PPIP5K2: variants seen among roughly 807,000 people sequenced by gnomAD.
PPIP5K2 encodes diphosphoinositol pentakisphosphate kinase 2.
PPIP5K2 carries 105 observed loss-of-function variants against 154.6 expected under a neutral mutation model. The observed-to-expected ratio is 0.68, with a 90% CI of 0.58 to 0.80. The LOEUF is 0.80. PPIP5K2 is among the 30% of genes least tolerant of loss of function. PPIP5K2 has a pLI of 0.00. For missense variants in PPIP5K2, 992 were observed against 1,504.6 expected (o/e 0.66, Z 5.64); for synonymous variants, 480 against 490.3 (o/e 0.98, Z 0.28).
chr5:103,153,960 C>G (rs1451893820), intron 11 of PPIP5K2, 26 bp downstream of exon 11: 2 of 1,477,216 alleles, frequency 1.4e-6, no homozygotes, highest in Non-Finnish European at 1.9e-6. Context: ...AATAATTTAA[C>G]ATGCATGATA....
intron 17 of PPIP5K2, among the ~76,000 whole-genome samples, chr5:103,162,971 A>T (rs1474766631): frequency 1.3e-5 from 2 of 151,978 alleles, no homozygotes; most frequent in Admixed American, 6.6e-5. Flanking sequence ...CATTACTCAG[A>T]AGTACCATAT....
At chr5:103,146,916 C>T (rs1397416748) in intron 6 of PPIP5K2, among the ~76,000 whole-genome samples, 1 of 151,880 alleles carries the variant, frequency 6.6e-6, no homozygotes, top group African/African-American at 2.4e-5. Flanking sequence ...CTTGACTTTT[C>T]TTTTCCCTCC....
At chr5:103,168,697 A>G (rs1326694519) in intron 19 of PPIP5K2, among the ~76,000 whole-genome samples, 1 of 151,788 alleles carries the variant, frequency 6.6e-6, no homozygotes, top group Non-Finnish European at 1.5e-5. Flanking sequence ...CAGAGTCCAT[A>G]GTGCATTAGG....
intron 5 of PPIP5K2, among the ~76,000 whole-genome samples, chr5:103,144,081 T>C (rs1244973622): frequency 1.3e-5 from 2 of 152,096 alleles, no homozygotes; most frequent in African/African-American, 4.8e-5. Context: ...TCAGTAAAGT[T>C]GCAGGATACA....
At chr5:103,138,946 G>A (rs1457978873) in intron 5 of PPIP5K2, among the ~76,000 whole-genome samples, 1 of 152,180 alleles carries the variant, frequency 6.6e-6, no homozygotes, top group African/African-American at 2.4e-5. Flanking sequence ...GAATTCGTGG[G>A]TCCCACATAT....
chr5:103,140,631 C>T (rs903016697), intron 5 of PPIP5K2, among the ~76,000 whole-genome samples: 2 of 151,802 alleles, frequency 1.3e-5, no homozygotes, highest in Non-Finnish European at 2.9e-5. Flanking sequence ...GGGCGGATCA[C>T]GAGGTCAGGA....
At chr5:103,143,109 ATT>A (rs1349520633) in intron 5 of PPIP5K2, among the ~76,000 whole-genome samples, 2 of 152,228 alleles carry the variant, frequency 1.3e-5, no homozygotes, top group African/African-American at 4.8e-5. Context: ...ATAAAATGTT[ATT>A]TGTAAGCCTT....
At chr5:103,148,270 A>T in intron 7 of PPIP5K2, 2 of 495,758 alleles carry the variant, frequency 4.0e-6, no homozygotes, top group Non-Finnish European at 7.3e-6. Context: ...GACAAATTTT[A>T]TTCAAATATA....
chr5:103,197,095 A>T (rs1270134730), intron 30 of PPIP5K2, among the ~76,000 whole-genome samples: 1 of 152,146 alleles, frequency 6.6e-6, no homozygotes, highest in Admixed American at 6.5e-5. Flanking sequence ...AGAAATTTGC[A>T]TCTGCGTTTG....
rs531719154 is a variant in PPIP5K2, at chr5:103,206,012, A to C, written c.*4378A>C. Reference sequence around the variant, plus strand: ...TAGATTAGTGTAGTCTGTTTTATGTAATGTATCTTTGCTTTTAGATTGTGC... The same window carrying C: ...TAGATTAGTGTAGTCTGTTTTATGTCATGTATCTTTGCTTTTAGATTGTGC... On this transcript the variant is annotated 3_prime_UTR_variant, in exon 31 of 31. Coordinates refer to ENST00000358359, the MANE Select transcript of PPIP5K2 (RefSeq NM_001276277.3). The C allele has an allele frequency of 6.6e-6, 1 of 152,144 alleles. No homozygotes were observed. The highest frequency in any genetic ancestry group is 1.5e-5 in the Non-Finnish European group (1 of 68,028). 9.4% of individuals were successfully genotyped at this position (152,144 alleles called of 1,614,324 possible).
At position 103,186,287 on chromosome 5, in the gene PPIP5K2, C is replaced by T. The variant is rs782010278; in HGVS notation, c.3170-33C>T. On this transcript the variant is annotated intron_variant, in intron 26 of 30. Coordinates refer to ENST00000358359, the MANE Select transcript of PPIP5K2 (RefSeq NM_001276277.3). ...TTCCCAATGTGAATGGAAGAACACC[C>T]GTTGTGTATGTATTTTCTCTAACTC... is the stretch of plus-strand genomic sequence containing the variant. The T allele has an allele frequency of 2.0e-5, 32 of 1,612,322 alleles. No homozygotes were observed. The Admixed American group carries it at 2.7e-4, about 13-fold the overall frequency.
intron 30 of PPIP5K2, among the ~76,000 whole-genome samples, chr5:103,201,248 AGTTAAAAATT>A (rs1554230179): frequency 6.6e-6 from 1 of 152,252 alleles, no homozygotes; most frequent in Non-Finnish European, 1.5e-5. Flanking sequence ...AATGGATGGT[AGTTAAAAATT>A]ATGAAAATAT....
intron 5 of PPIP5K2, among the ~76,000 whole-genome samples, chr5:103,140,401 C>A (rs1049556876): frequency 1.3e-5 from 2 of 152,104 alleles, no homozygotes; most frequent in African/African-American, 2.4e-5. Context: ...CCTTAAAGCA[C>A]CCAGAGAATA....
chr5:103,176,801 TG>T (rs1417128488), intron 21 of PPIP5K2: 24 of 937,458 alleles, frequency 2.6e-5, no homozygotes, highest in Non-Finnish European at 3.5e-5. Context: ...CTACTTTGAA[TG>T]CTTGTAGTAC....
At chr5:103,177,007 C>T (rs947551547) in intron 21 of PPIP5K2, 1 of 841,868 alleles carries the variant, frequency 1.2e-6, no homozygotes, top group East Asian at 2.9e-5. Context: ...ATATTGCATA[C>T]ATGAACTATA....
At chr5:103,143,620 C>T (rs545590241) in intron 5 of PPIP5K2, among the ~76,000 whole-genome samples, 1 of 152,270 alleles carries the variant, frequency 6.6e-6, no homozygotes, top group East Asian at 1.9e-4. Context: ...GAGCTGAATT[C>T]TTGCAACAAA....
At chr5:103,170,639 A>C (rs1483912949) in intron 19 of PPIP5K2, among the ~76,000 whole-genome samples, 1 of 150,686 alleles carries the variant, frequency 6.6e-6, no homozygotes, top group African/African-American at 2.5e-5. Context: ...GACAATCTTT[A>C]TTGTAAGAGA....
chr5:103,154,173 A>G (rs1322100159), intron 11 of PPIP5K2, among the ~76,000 whole-genome samples: 1 of 151,996 alleles, frequency 6.6e-6, no homozygotes, highest in Non-Finnish European at 1.5e-5. Context: ...ATTTATTGTC[A>G]TAAAGGTGTT....
At chr5:103,188,230 A>C (rs1164976689) in intron 28 of PPIP5K2, among the ~76,000 whole-genome samples, 1 of 152,190 alleles carries the variant, frequency 6.6e-6, no homozygotes, top group African/African-American at 2.4e-5. Context: ...ATAATTCAGG[A>C]TCAAAGAATT....
Sources: allele counts gnomAD v4.1 joint callset (sites outside exome capture counted in the v4.1 genomes callset), GRCh38; gene constraint gnomAD v4.1.1; transcripts MANE v1.5; gene names NCBI Gene and HGNC (gene_info 2026-07-23, HGNC 2026-07-21).